The following BIRC6 variants were observed in gnomAD, a reference collection of about 807,000 sequenced individuals.
BIRC6 encodes the protein baculoviral IAP repeat containing 6.
A neutral mutation model predicts 503.3 loss-of-function variants in BIRC6; 98 were observed. That is an observed-to-expected ratio of 0.19 (90% CI 0.17 to 0.23). BIRC6 has a LOEUF of 0.23. Among genes scored for constraint, BIRC6 ranks in the 10% least tolerant of loss-of-function variants. The probability of loss-of-function intolerance (pLI) is 1.00; values close to 1 mark genes in which losing one functional copy is unlikely to be tolerated. For missense variants in BIRC6, 5,360 were observed against 5,806.0 expected (o/e 0.92, Z 2.50); for synonymous variants, 2,240 against 2,078.7 (o/e 1.08, Z -2.11).
rs747507337 is a variant in BIRC6, at chr2:32,499,663, C to T, written c.8585C>T (p.Ser2862Leu). 5 of 1,613,686 alleles carry T rather than the reference C, an allele frequency of 3.1e-6. No individual in the cohort carries two copies. The highest frequency in any genetic ancestry group is 1.7e-5 in the Admixed American group (1 of 59,976). ...AGTACTATTTCTGCCGTGATAGAAT[C>T]GGTTACATTTTTAGTGCACCACTAT... ...SVSTISAVIE[S>L]VTFLVHHYIT... Residue 2862 changes from serine (S) to leucine (L), a missense_variant, in exon 46 of 74, where the codon TCG becomes TTG. By Grantham distance (145) the Ser-to-Leu change is moderately radical (BLOSUM62 -2). Coordinates refer to ENST00000421745, the MANE Select transcript of BIRC6 (RefSeq NM_016252.4).
At chr2:32,363,835 G>A (rs2034477304) in intron 1 of BIRC6, among the ~76,000 whole-genome samples, 1 of 152,186 alleles carries the variant, frequency 6.6e-6, no homozygotes, top group Admixed American at 6.6e-5. Context: ...GGGATGCTCA[G>A]CAAATGCTAA....
chr2:32,446,573 C>G (rs754732752), intron 21 of BIRC6, among the ~76,000 whole-genome samples: 1 of 151,972 alleles, frequency 6.6e-6, no homozygotes, highest in Admixed American at 6.6e-5. Flanking sequence ...TGATACCCCT[C>G]GCTTCAATCT....
intron 46 of BIRC6, among the ~76,000 whole-genome samples, chr2:32,501,352 G>GAAC (rs2053171120): frequency 6.6e-6 from 1 of 152,086 alleles, no homozygotes; most frequent in African/African-American, 2.4e-5. Context: ...TCATATAACA[G>GAAC]AACAACTTAT....
intron 40 of BIRC6, 86 bp from the exon 41 acceptor site, chr2:32,487,561 A>G (rs2051143745): frequency 4.1e-6 from 5 of 1,210,382 alleles, no homozygotes; most frequent in Non-Finnish European, 4.6e-6. Context: ...TTTAAAAACA[A>G]TTTAACCTAT....
At chr2:32,388,245 G>A (rs1443394772) in intron 3 of BIRC6, among the ~76,000 whole-genome samples, 1 of 152,000 alleles carries the variant, frequency 6.6e-6, no homozygotes, top group Non-Finnish European at 1.5e-5. Flanking sequence ...GCCAGGGATG[G>A]TGGCGCATGC....
intron 57 of BIRC6, among the ~76,000 whole-genome samples, chr2:32,523,919 C>T (rs2149857396): frequency 6.6e-6 from 1 of 152,076 alleles, no homozygotes; most frequent in South Asian, 2.1e-4. Context: ...TGGCATGTGC[C>T]TGTGGTCTCA....
intron 62 of BIRC6, 42 bp from the exon 63 acceptor site, chr2:32,545,601 T>A (rs116213375): frequency 6.6e-7 from 1 of 1,510,316 alleles, no homozygotes; most frequent in South Asian, 1.1e-5. Context: ...TATGTGTTTT[T>A]AACTGTTTTT....
chr2:32,498,874 C>T (rs558830723), intron 45 of BIRC6, among the ~76,000 whole-genome samples: 25 of 152,304 alleles, frequency 1.6e-4, no homozygotes, highest in African/African-American at 5.8e-4. Context: ...GCCATCATGC[C>T]TGGCTAATTT....
intron 70 of BIRC6, chr2:32,602,357 C>T (rs1004423297): frequency 6.6e-6 from 1 of 152,080 alleles, no homozygotes. Context: ...ATTGCATGTT[C>T]TCACTCACGT....
chr2:32,406,247 G>GTA (rs1558638826), intron 8 of BIRC6, among the ~76,000 whole-genome samples: 1 of 152,118 alleles, frequency 6.6e-6, no homozygotes, highest in East Asian at 1.9e-4. Context: ...AAAGAAAAAA[G>GTA]TAGCTGGGCA....
chr2:32,515,681 C>G lies in BIRC6; in HGVS notation c.11260C>G (p.Gln3754Glu), dbSNP rs1392997876. The stretch of plus-strand genomic sequence containing the variant: ...AGCTGCTACAACAGGACTGACTACT[C>G]AACAGCGCACAGCAATTGAGAATGC... Reference protein sequence around the residue: ...SSAATTGLTTQQRTAIENATV... With the variant: ...SSAATTGLTTEQRTAIENATV... The change falls in exon 55 of 74, where the codon CAA becomes GAA. Residue 3754 changes from glutamine (Q) to glutamate (E), a missense_variant. Physicochemically the swap from Gln to Glu is conservative, Grantham distance 29 (BLOSUM62 2). Transcript: ENST00000421745. 1 of 1,606,286 alleles carries G rather than the reference C, an allele frequency of 6.2e-7. No homozygotes were observed. The highest frequency in any genetic ancestry group is 2.2e-5 in the East Asian group (1 of 44,894).
chr2:32,468,823 A>T, intron 29 of BIRC6, 40 bp downstream of exon 29: 1 of 1,412,510 alleles, frequency 7.1e-7, no homozygotes, highest in Non-Finnish European at 9.6e-7. Context: ...CTGGGAATAT[A>T]CTTGATGTGA....
At chr2:32,538,069 A>C (rs2057377708) in intron 61 of BIRC6, among the ~76,000 whole-genome samples, 1 of 152,236 alleles carries the variant, frequency 6.6e-6, no homozygotes, top group South Asian at 2.1e-4. Context: ...AATAGAATCA[A>C]TTCAGTAATA....
intron 29 of BIRC6, 37 bp from the exon 30 acceptor site, chr2:32,469,358 T>C (rs1431495617): frequency 1.3e-6 from 2 of 1,497,456 alleles, no homozygotes; most frequent in Admixed American, 1.9e-5. Context: ...ACAATACATT[T>C]AAATAGGAAA....
chr2:32,545,338 T>C (rs777432825), intron 62 of BIRC6, among the ~76,000 whole-genome samples: 16 of 152,364 alleles, frequency 1.1e-4, no homozygotes, highest in Non-Finnish European at 1.6e-4. Context: ...GCTTCTTTTC[T>C]ATTGTTCAGG....
At chr2:32,408,287 G>T (rs1316208261) in intron 9 of BIRC6, among the ~76,000 whole-genome samples, 1 of 151,496 alleles carries the variant, frequency 6.6e-6, no homozygotes, top group Non-Finnish European at 1.5e-5. Flanking sequence ...TCTTTCTTTT[G>T]TTTTTTTGAG....
At chr2:32,378,868 C>G (rs1178032263) in intron 2 of BIRC6, 6 of 152,150 alleles carry the variant, frequency 3.9e-5, no homozygotes, top group Non-Finnish European at 8.8e-5. Context: ...ATTTTTAAGT[C>G]TAGCCCAACT....
chr2:32,588,904 T>A (rs1402078573), intron 66 of BIRC6, among the ~76,000 whole-genome samples: 1 of 152,206 alleles, frequency 6.6e-6, no homozygotes, highest in Non-Finnish European at 1.5e-5. Context: ...TACAAGTTAG[T>A]TCTGGTGAAA....
rs114320043 is a variant in BIRC6 at position 32,430,307 on chromosome 2, C to T, written c.3023-558C>T. ...AAAGAAGCCTAATTAGTATGAAGCA[C>T]GTTATTACTCTTATAATACTAGCAT... On this transcript the variant is annotated intron_variant, in intron 11 of 73. Transcript: ENST00000421745. Among the ~76,000 whole-genome samples, 1,124 of 152,154 alleles carry T rather than the reference C, an allele frequency of 7.4e-3. 7 individuals are homozygous for T. Among genetic ancestry groups the T allele is most frequent in the Middle Eastern group, 0.014 (4 of 292 alleles).
Sources: gnomAD v4.1 joint callset for allele counts (sites outside exome capture counted in the v4.1 genomes callset) on GRCh38, gnomAD v4.1.1 for gene constraint, MANE v1.5 for transcripts, NCBI Gene and HGNC (gene_info 2026-07-23, HGNC 2026-07-21) for gene names.